CCDC15: variants seen among roughly 807,000 people sequenced by gnomAD.
The protein encoded by CCDC15 is coiled-coil domain-containing protein 15.
Under a neutral mutation model 114.5 loss-of-function variants are expected in CCDC15, and 105 were observed. That is an observed-to-expected ratio of 0.92 (90% CI 0.78 to 1.08). The LOEUF (loss-of-function observed/expected upper bound fraction) is 1.08, where lower values mean the gene tolerates loss of function less well. Among genes scored for constraint, CCDC15 ranks in the 50% least tolerant of loss-of-function variants. The pLI, the probability that CCDC15 is intolerant of heterozygous loss-of-function variation, is 0.00. For missense variants in CCDC15, 1,105 were observed against 1,093.6 expected (o/e 1.01, Z -0.15); for synonymous variants, 334 against 377.8 (o/e 0.88, Z 1.34).
chr11:124,985,453 G>A (rs1948141622), intron 6 of CCDC15, among the ~76,000 whole-genome samples: 2 of 152,160 alleles, frequency 1.3e-5, no homozygotes, highest in Admixed American at 6.5e-5. Context: ...AGCAATATGT[G>A]AGGGTTCCAA....
chr11:124,985,949 A>T (rs1050438097), intron 6 of CCDC15, among the ~76,000 whole-genome samples: 1 of 151,938 alleles, frequency 6.6e-6, no homozygotes. Flanking sequence ...GATCATGAAG[A>T]TTTATTCCTA....
At chr11:124,992,340 G>A (rs955949444) in intron 9 of CCDC15, among the ~76,000 whole-genome samples, 2 of 152,156 alleles carry the variant, frequency 1.3e-5, no homozygotes, top group African/African-American at 4.8e-5. Context: ...TACAATGTAG[G>A]AACTAGAAGA....
chr11:124,999,515 A>G (rs1948435423), intron 11 of CCDC15, among the ~76,000 whole-genome samples: 1 of 151,926 alleles, frequency 6.6e-6, no homozygotes. Context: ...TATTGATCCA[A>G]TAGATTCAAG....
In CCDC15 at chr11:124,954,377, GC is replaced by G; in HGVS notation, c.-10+11del. ...CTCTCGGCTGCAGACACAGGTCCCC[GC>G]CCCTCCCTCTTTCTCCGGGTTGCAG... On this transcript the variant is annotated splice_region_variant and intron_variant, in intron 1 of 15. Transcript: ENST00000344762. The G allele has an allele frequency of 5.1e-6, 1 of 194,180 alleles. No homozygotes were observed. Among genetic ancestry groups the G allele is most frequent in the Non-Finnish European group, 1.1e-5 (1 of 92,034 alleles). The allele number at this position is 194,180 out of a possible 1,614,324, so 12.0% of individuals were successfully genotyped here. A position where few individuals can be genotyped will look rare whatever the true frequency, so the allele number is the denominator to read the frequency against.
intron 4 of CCDC15, among the ~76,000 whole-genome samples, chr11:124,973,032 A>G (rs1179691304): frequency 2.6e-5 from 4 of 152,170 alleles, no homozygotes. Context: ...GGTGGCCATT[A>G]TTCACCCAAT....
rs1243671142 is a variant in CCDC15 at position 125,005,222 on chromosome 11, T to C, written c.2411+10T>C. 3 of 1,234,328 alleles carry C rather than the reference T, an allele frequency of 2.4e-6. No homozygotes were observed. In the Admixed American group the frequency reaches 6.0e-5, roughly 25 times the overall value. The allele number at this position is 1,234,328 out of a possible 1,614,324, so 76.5% of individuals were successfully genotyped here. A position where few individuals can be genotyped will look rare whatever the true frequency, so the allele number is the denominator to read the frequency against. On this transcript the variant is annotated intron_variant, in intron 13 of 15. Transcript: ENST00000344762. ...AGAAGAAAATTGAAAAGTAAGTTAT[T>C]CGATCTGCTCTGTGAGCCTTAAATT...
At chr11:124,999,587 T>C (rs1396305705) in intron 11 of CCDC15, among the ~76,000 whole-genome samples, 3 of 152,094 alleles carry the variant, frequency 2.0e-5, no homozygotes, top group African/African-American at 7.2e-5. Flanking sequence ...ATTTCACATA[T>C]TGTGTTTTTC....
At chr11:124,960,752 T>C (rs1234811939) in intron 4 of CCDC15, among the ~76,000 whole-genome samples, 3 of 152,236 alleles carry the variant, frequency 2.0e-5, no homozygotes, top group African/African-American at 7.2e-5. Flanking sequence ...TTCACATTGC[T>C]TGACTCTGTC....
At chr11:124,958,233 T>G (rs1041954475) in intron 2 of CCDC15, among the ~76,000 whole-genome samples, 3 of 152,224 alleles carry the variant, frequency 2.0e-5, no homozygotes, top group African/African-American at 7.2e-5. Flanking sequence ...TCAAATGGGA[T>G]AAAGTGTTCC....
intron 13 of CCDC15, among the ~76,000 whole-genome samples, chr11:125,006,716 G>C (rs1948554569): frequency 6.6e-6 from 1 of 152,036 alleles, no homozygotes; most frequent in Non-Finnish European, 1.5e-5. Flanking sequence ...TCTGTGTTTA[G>C]AGTCATTTTT....
At chr11:124,957,478 A>G (rs765533665) in intron 2 of CCDC15, among the ~76,000 whole-genome samples, 2 of 152,196 alleles carry the variant, frequency 1.3e-5, no homozygotes, top group Non-Finnish European at 2.9e-5. Flanking sequence ...GAATTTTTAT[A>G]TGGTGCTGAC....
chr11:124,954,724 G>A lies in CCDC15; in HGVS notation c.-9G>A. 6.2e-7 allele frequency: 1 copy of A among 1,613,386 alleles called. No individual in the cohort carries two copies. The highest frequency in any genetic ancestry group is 1.7e-5 in the Admixed American group (1 of 59,986). On this transcript the variant is annotated splice_region_variant and 5_prime_UTR_variant, in exon 2 of 16. Transcript: ENST00000344762. ...TAAGCTTTTTCTTTCTCCTAATCAG[G>A]AGTCACAGATGCTGGGAAGTATGGC...
chr11:124,994,088 A>G (rs1206668333), intron 11 of CCDC15, among the ~76,000 whole-genome samples: 4 of 152,200 alleles, frequency 2.6e-5, no homozygotes, highest in Non-Finnish European at 2.9e-5. Flanking sequence ...TGAAGCTTAC[A>G]GTATTATCAC....
chr11:125,010,160 C>A (rs1825618818), intron 13 of CCDC15, among the ~76,000 whole-genome samples: 1 of 152,162 alleles, frequency 6.6e-6, no homozygotes, highest in South Asian at 2.1e-4. Context: ...CTTTTCTCTG[C>A]AGCCTTGCAA....
intron 15 of CCDC15, 111 bp downstream of exon 15, chr11:125,039,180 G>A (rs973309787): frequency 5.0e-5 from 48 of 968,666 alleles, no homozygotes; most frequent in Middle Eastern, 4.7e-4. Flanking sequence ...ATCAGAGACT[G>A]TTATAAACCC....
In CCDC15 at chr11:124,977,537, G is replaced by A; in HGVS notation, c.690G>A (p.Leu230=). ...TAAATACAGGAATAAGAGGAGAGTT[G>A]CCCATTAAGGTCCATCAAGGTCTTT... is the stretch of plus-strand genomic sequence containing the variant. ...TGINTGIRGE[L]PIKVHQGLLA... is the part of the protein sequence containing the mutation. The change falls in exon 6 of 16, where the codon TTG becomes TTA. Residue 230 remains leucine (L), a synonymous_variant. Coordinates refer to ENST00000344762, the MANE Select transcript of CCDC15 (RefSeq NM_025004.3). 6.2e-7 allele frequency: 1 copy of A among 1,608,482 alleles called. No homozygotes were observed. Among genetic ancestry groups the A allele is most frequent in the Non-Finnish European group, 8.5e-7 (1 of 1,177,148 alleles).
intron 4 of CCDC15, among the ~76,000 whole-genome samples, chr11:124,974,500 T>C (rs1947940595): frequency 6.6e-6 from 1 of 152,234 alleles, no homozygotes; most frequent in Non-Finnish European, 1.5e-5. Context: ...ACAAATTGGT[T>C]CTTTTGAAAT....
intron 11 of CCDC15, among the ~76,000 whole-genome samples, chr11:124,998,244 G>A (rs1948408909): frequency 6.6e-6 from 1 of 152,200 alleles, no homozygotes; most frequent in South Asian, 2.1e-4. Context: ...AGTAAGCTGG[G>A]ACAGTTGTAG....
intron 4 of CCDC15, among the ~76,000 whole-genome samples, chr11:124,963,212 G>A (rs908988953): frequency 3.0e-4 from 45 of 152,146 alleles, no homozygotes; most frequent in Admixed American, 5.2e-4. Context: ...TTGAGGAATC[G>A]CCACACTGTC....
Sources: gnomAD v4.1 joint callset for allele counts (sites outside exome capture counted in the v4.1 genomes callset) on GRCh38, gnomAD v4.1.1 for gene constraint, MANE v1.5 for transcripts, NCBI Gene and HGNC (gene_info 2026-07-23, HGNC 2026-07-21) for gene names.